Variants in SYT7 observed in about 807,000 individuals in gnomAD.
SYT7 encodes the protein synaptotagmin 7.
Under a neutral mutation model 75.1 loss-of-function variants are expected in SYT7, and 29 were observed. The observed-to-expected ratio is 0.39, with a 90% CI of 0.29 to 0.53. The LOEUF is 0.53. Among genes scored for constraint, SYT7 ranks in the 20% least tolerant of loss-of-function variants. The pLI, the probability that SYT7 is intolerant of heterozygous loss-of-function variation, is 0.77. For missense variants in SYT7, 693 were observed against 953.2 expected (o/e 0.73, Z 3.59); for synonymous variants, 376 against 401.7 (o/e 0.94, Z 0.76).
intron 7 of SYT7, among the ~76,000 whole-genome samples, chr11:61,536,208 C>T (rs1172360800): frequency 1.3e-5 from 2 of 152,186 alleles, no homozygotes; most frequent in East Asian, 1.9e-4. Context: ...CACCCCCACA[C>T]CCGCCTTTCC....
intron 8 of SYT7, among the ~76,000 whole-genome samples, chr11:61,529,743 T>C (rs962268460): frequency 8.5e-5 from 13 of 152,206 alleles, no homozygotes; most frequent in African/African-American, 3.1e-4. Flanking sequence ...CAAGCGATTT[T>C]CATGCCTCAG....
At position 61,514,009 on chromosome 11, in the gene SYT7, G is replaced by C. The variant is rs139433433; in HGVS notation, c.*4618C>G. On this transcript the variant is annotated 3_prime_UTR_variant, in exon 13 of 13. Coordinates refer to ENST00000539008, the MANE Select transcript of SYT7 (RefSeq NM_001365809.2). The stretch of plus-strand genomic sequence containing the variant: ...CAGAAAGCAGCAGTATCCAGGGGGG[G>C]ACTCACAGGAGAAAGAAAACACCAG... Among the ~76,000 whole-genome samples the C allele has an allele frequency of 1.3e-5, 2 of 152,094 alleles. No individual in the cohort carries two copies. The highest frequency in any genetic ancestry group is 2.4e-5 in the African/African-American group (1 of 41,412).
chr11:61,554,543 G>A (rs1278961898), intron 2 of SYT7, among the ~76,000 whole-genome samples: 2 of 152,044 alleles, frequency 1.3e-5, no homozygotes, highest in African/African-American at 4.8e-5. Flanking sequence ...ACACAAGGTC[G>A]CCATCAGCGC....
chr11:61,538,334 A>AG, intron 6 of SYT7, 68 bp from the exon 7 acceptor site: 1 of 849,064 alleles, frequency 1.2e-6, no homozygotes, highest in Non-Finnish European at 1.7e-6. Context: ...GGCAGGGGGG[A>AG]AGGAGAGAGA....
intron 6 of SYT7, among the ~76,000 whole-genome samples, chr11:61,539,234 G>A (rs898237289): frequency 1.3e-5 from 2 of 152,192 alleles, no homozygotes; most frequent in Non-Finnish European, 2.9e-5. Flanking sequence ...AACGGGGAGG[G>A]GGTAGGCAAG....
Position 61,546,039 on chromosome 11 carries a change from G to T in SYT7, c.564C>A (p.Asn188Lys), listed in dbSNP as rs2063173543. Residue 188 changes from asparagine (N) to lysine (K), a missense_variant, in exon 5 of 13, where the codon AAC (asparagine) becomes AAA (lysine). Coordinates refer to ENST00000539008, the MANE Select transcript of SYT7 (RefSeq NM_001365809.2). The surrounding 1 kb of genome is among the most constrained non-coding windows in gnomAD (Gnocchi z 7.6). ...GGGGCGCCATCACTCACTTGGACAA[G>T]TTGAGCTTCCCTGCGGCCAGGTGGC... ...VQSHLAAGKL[N>K]LSNFEDSTLS... is the part of the protein sequence containing the mutation. 2 of 1,533,270 alleles carry T rather than the reference G, an allele frequency of 1.3e-6. No individual in the cohort carries two copies. The highest frequency in any genetic ancestry group is 2.8e-5 in the African/African-American group (2 of 72,646). The allele number at this position is 1,533,270 out of a possible 1,614,324, so 95.0% of individuals were successfully genotyped here.
intron 4 of SYT7, 29 bp downstream of exon 4, chr11:61,547,140 CTCGGTACA>C: frequency 6.5e-7 from 1 of 1,532,556 alleles, no homozygotes; most frequent in Non-Finnish European, 8.7e-7. Flanking sequence ...TGCGCGGATA[CTCGGTACA>C]TATGATCAAA....
chr11:61,586,633 C>A, the SYT7 span, among the ~76,000 whole-genome samples: 6 of 152,326 alleles, frequency 3.9e-5, no homozygotes, highest in African/African-American at 1.4e-4. Flanking sequence ...AACATTTTGC[C>A]CATAATTGGG....
At chr11:61,558,505 T>TACACACACACACACACAC (rs34301756) in intron 1 of SYT7, among the ~76,000 whole-genome samples, 172 of 134,614 alleles carry the variant, frequency 1.3e-3, no homozygotes, top group African/African-American at 3.5e-3. Flanking sequence ...CACACACACA[T>TACACACACACACACACAC]ACACACACAC....
At chr11:61,544,346 TGAGA>T (rs1336618102) in intron 5 of SYT7, among the ~76,000 whole-genome samples, 7 of 151,632 alleles carry the variant, frequency 4.6e-5, no homozygotes, top group African/African-American at 1.7e-4. Flanking sequence ...CCCTGTGGGC[TGAGA>T]GAGAGAAAGA....
At chr11:61,532,291 T>A (rs2062736031) in intron 8 of SYT7, among the ~76,000 whole-genome samples, 1 of 152,190 alleles carries the variant, frequency 6.6e-6, no homozygotes, top group East Asian at 1.9e-4. Context: ...CTCCAGGGCC[T>A]CTTTGGAAAG....
intron 7 of SYT7, among the ~76,000 whole-genome samples, chr11:61,536,071 GCCCA>G (rs2062861739): frequency 6.6e-6 from 1 of 152,100 alleles, no homozygotes; most frequent in Admixed American, 6.5e-5. Context: ...CCCTGTGGCA[GCCCA>G]CCACCCGAGA....
intron 1 of SYT7, among the ~76,000 whole-genome samples, chr11:61,557,129 G>A (rs1443129798): frequency 6.6e-6 from 1 of 152,118 alleles, no homozygotes; most frequent in Non-Finnish European, 1.5e-5. Flanking sequence ...CCCTCCTCAT[G>A]GGTGATTGTA....
upstream of SYT7, among the ~76,000 whole-genome samples, chr11:61,584,354 C>T (rs2064340631): frequency 6.9e-6 from 1 of 144,454 alleles, no homozygotes; most frequent in African/African-American, 2.6e-5. Context: ...GAGATTGTGC[C>T]ACTGCACTCC....
intron 1 of SYT7, among the ~76,000 whole-genome samples, chr11:61,572,571 T>G (rs1223530085): frequency 6.6e-6 from 1 of 152,206 alleles, no homozygotes; most frequent in Non-Finnish European, 1.5e-5. Flanking sequence ...CGTTTCCTCA[T>G]TTGCACTGCA....
chr11:61,587,183 G>A, the SYT7 span, among the ~76,000 whole-genome samples: 1 of 152,294 alleles, frequency 6.6e-6, no homozygotes, highest in African/African-American at 2.4e-5. Flanking sequence ...CATACCCAGG[G>A]GTGGCCTAGT....
chr11:61,554,673 A>G lies in SYT7; in HGVS notation c.135+1431T>C, dbSNP rs561838668. On this transcript the variant is annotated intron_variant, in intron 2 of 12. Coordinates refer to ENST00000539008, the MANE Select transcript of SYT7 (RefSeq NM_001365809.2). Reference sequence around the variant, plus strand: ...CGCTCAGCCACTCCCCCAGCCTCCGAGGACACTCACACACAGAGGCACATG... The same window carrying G: ...CGCTCAGCCACTCCCCCAGCCTCCGGGGACACTCACACACAGAGGCACATG... Among the ~76,000 whole-genome samples the G allele has an allele frequency of 2.6e-5, 4 of 152,208 alleles. No homozygotes were observed. The South Asian group carries it at 8.3e-4, about 32-fold the overall frequency.
In SYT7 at chr11:61,528,205, C is replaced by G. The variant is rs764469421; in HGVS notation, c.1201-20G>C. 1 of 1,606,446 alleles carries G rather than the reference C, an allele frequency of 6.2e-7. No homozygotes were observed. On this transcript the variant is annotated intron_variant, in intron 8 of 12. Coordinates refer to ENST00000539008, the MANE Select transcript of SYT7 (RefSeq NM_001365809.2). ...GGAGAGCTGGGGGTGGGGGAGAGGC[C>G]GGCAGGGTTTGGGGAGGATTCTGCT...
At chr11:61,566,898 T>C (rs1168408030) in intron 1 of SYT7, among the ~76,000 whole-genome samples, 1 of 152,148 alleles carries the variant, frequency 6.6e-6, no homozygotes, top group Admixed American at 6.5e-5. Flanking sequence ...TCTCCCCGAG[T>C]CATAGGCTTC....
Sources: gnomAD v4.1 joint callset for allele counts (sites outside exome capture counted in the v4.1 genomes callset) on GRCh38, gnomAD v4.1.1 for gene constraint, Gnocchi (gnomAD v3.1) non-coding constraint, MANE v1.5 for transcripts, NCBI Gene and HGNC (gene_info 2026-07-23, HGNC 2026-07-21) for gene names.